The following ANK2 variants were observed in gnomAD, a reference collection of about 807,000 sequenced individuals.
The protein encoded by ANK2 is ankyrin-2.
A neutral mutation model predicts 360.5 loss-of-function variants in ANK2; 83 were observed. The ratio of observed to expected loss-of-function variants is 0.23; its 90% CI spans 0.19 to 0.28. ANK2 has a LOEUF of 0.28. Ranked by LOEUF, ANK2 falls within the 10% of genes least tolerant of loss-of-function variation. ANK2 has a pLI of 1.00. For missense variants in ANK2, 4,201 were observed against 4,795.7 expected (o/e 0.88, Z 3.66); for synonymous variants, 1,740 against 1,759.5 (o/e 0.99, Z 0.28).
Position 113,107,078 on chromosome 4 carries a change from G to C in ANK2, c.84+57266G>C, listed in dbSNP as rs568610604. ...CGTCCCTTTATTCTGATTAAGGCCT[G>C]GTGTAAATCTTTGATAATGAAGCCC... On this transcript the variant is annotated intron_variant, in intron 1 of 45. Coordinates refer to ENST00000357077, the MANE Select transcript of ANK2 (RefSeq NM_001148.6). The C allele has an allele frequency of 5.7e-5, 18 of 315,500 alleles. No homozygotes were observed. The East Asian group carries it at 1.3e-3, about 23-fold the overall frequency. 19.5% of individuals were successfully genotyped at this position (315,500 alleles called of 1,614,324 possible).
At chr4:113,146,658 TACAA>T (rs534928672) in intron 1 of ANK2, among the ~76,000 whole-genome samples, 7 of 149,330 alleles carry the variant, frequency 4.7e-5, no homozygotes, top group Non-Finnish European at 1.0e-4. Context: ...TTAAAATGGG[TACAA>T]AGGCTTATTG....
the ANK2 span, among the ~76,000 whole-genome samples, chr4:112,728,231 T>G: frequency 7.8e-6 from 1 of 128,112 alleles, no homozygotes; most frequent in Non-Finnish European, 1.5e-5. Flanking sequence ...AGGCAGAGAT[T>G]GCAGTGAGCC....
At chr4:113,257,209 A>T (rs1021851146) in intron 11 of ANK2, among the ~76,000 whole-genome samples, 1 of 152,182 alleles carries the variant, frequency 6.6e-6, no homozygotes. Flanking sequence ...TAACAAAGGA[A>T]CATTGTTGAA....
the ANK2 span, among the ~76,000 whole-genome samples, chr4:112,771,208 GT>G: frequency 1.6e-4 from 24 of 152,344 alleles, no homozygotes; most frequent in African/African-American, 5.3e-4. Flanking sequence ...CGCCTCCCGG[GT>G]TCAAGCGAAT....
chr4:112,769,495 T>C, the ANK2 span, among the ~76,000 whole-genome samples: 1 of 152,234 alleles, frequency 6.6e-6, no homozygotes, highest in African/African-American at 2.4e-5. Flanking sequence ...TCTCTGTTTT[T>C]CTTACTTTTT....
At chr4:112,960,612 A>G (rs943952092) in intron 2 of ANK2, among the ~76,000 whole-genome samples, 1 of 152,194 alleles carries the variant, frequency 6.6e-6, no homozygotes, top group African/African-American at 2.4e-5. Flanking sequence ...ATTGTATTTA[A>G]TTCAAGACGA....
chr4:113,185,327 C>T (rs544739985), intron 2 of ANK2, among the ~76,000 whole-genome samples: 43 of 152,330 alleles, frequency 2.8e-4, no homozygotes, highest in Middle Eastern at 6.8e-3. Context: ...TACACTCCCA[C>T]CAATACTGTA....
At position 113,026,053 on chromosome 4, in the gene ANK2, A is replaced by C. The variant is rs2059226878; in HGVS notation, c.21+121539A>C. 1.3e-5 allele frequency among the ~76,000 whole-genome samples: 2 copies of C among 152,222 alleles called. 1 individual carries two copies. Among genetic ancestry groups the C allele is most frequent in the Non-Finnish European group, 2.9e-5 (2 of 68,034 alleles). On this transcript the variant is annotated intron_variant, in intron 2 of 30. Transcript: ENST00000503271. ...TTGGTCATTTTGCACTTTGGCATTCAATAGACAAAGCGTATATGGTACATT... is the reference window on the plus strand; with the variant it reads ...TTGGTCATTTTGCACTTTGGCATTCCATAGACAAAGCGTATATGGTACATT...
intron 1 of ANK2, among the ~76,000 whole-genome samples, chr4:112,834,537 G>T (rs1268227021): frequency 1.3e-5 from 2 of 151,326 alleles, no homozygotes; most frequent in Non-Finnish European, 2.9e-5. Context: ...CCCTTTTTTG[G>T]AAGTATTTAA....
rs1430027172 is a variant in ANK2, at chr4:112,904,325, G to T, written c.-39-130G>T. ...TTGCTCTTTTGCATTTATAATAGTG[G>T]CTTTTTAAAATGAAGAACTCCATCA... On this transcript the variant is annotated intron_variant, in intron 1 of 30. Transcript: ENST00000503271. 1.0e-5 allele frequency: 5 copies of T among 486,802 alleles called. No homozygotes were observed. The East Asian group carries it at 1.1e-4, about 11-fold the overall frequency. The allele number at this position is 486,802 out of a possible 1,614,324, so 30.2% of individuals were successfully genotyped here.
chr4:112,804,014 GTT>G, the ANK2 span, among the ~76,000 whole-genome samples: 58 of 142,758 alleles, frequency 4.1e-4, no homozygotes, highest in South Asian at 7.8e-3. Flanking sequence ...CAATCTCACG[GTT>G]TTTTTTTTTT....
At chr4:113,351,159 G>A (rs1329522971) in intron 37 of ANK2, among the ~76,000 whole-genome samples, 2 of 152,014 alleles carry the variant, frequency 1.3e-5, no homozygotes, top group African/African-American at 4.8e-5. Flanking sequence ...TTAAAAATCT[G>A]ATTTTTAAAG....
chr4:112,890,086 G>A (rs372758169), intron 1 of ANK2, among the ~76,000 whole-genome samples: 1 of 152,224 alleles, frequency 6.6e-6, no homozygotes, highest in South Asian at 2.1e-4. Context: ...CTTAGGGAAT[G>A]TGAAACTAAT....
intron 1 of ANK2, among the ~76,000 whole-genome samples, chr4:112,834,529 C>T (rs1340762877): frequency 8.6e-5 from 13 of 151,980 alleles, no homozygotes; most frequent in Non-Finnish European, 2.9e-5. Flanking sequence ...AGCTCTCCCC[C>T]TTTTTTGGAA....
At chr4:113,049,487 G>T (rs376656150), upstream of ANK2, 325 of 387,382 alleles carry the variant, frequency 8.4e-4, 2 homozygotes, top group African/African-American at 6.7e-3. Context: ...TTTTTTCAAG[G>T]CTTTCTTCAT....
intron 2 of ANK2, among the ~76,000 whole-genome samples, chr4:113,016,400 A>C (rs137995032): frequency 1.3e-4 from 20 of 152,272 alleles, no homozygotes; most frequent in African/African-American, 4.3e-4. Context: ...CTATGTGCCA[A>C]ATACTGATGC....
At chr4:112,747,506 G>A in the ANK2 span, among the ~76,000 whole-genome samples, 8 of 152,160 alleles carry the variant, frequency 5.3e-5, no homozygotes, top group East Asian at 1.9e-4. Flanking sequence ...GGGAGTAGGG[G>A]GTGGAGTTCT....
upstream of ANK2, among the ~76,000 whole-genome samples, chr4:113,045,609 G>A (rs1405085363): frequency 6.6e-6 from 1 of 152,130 alleles, no homozygotes; most frequent in Non-Finnish European, 1.5e-5. Context: ...TCATATGCTG[G>A]CACTCTTATA....
rs1012036010 is a variant in ANK2, at chr4:113,336,032, C to T, written c.3566C>T (p.Thr1189Ile). 1 of 1,614,044 alleles carries T rather than the reference C, an allele frequency of 6.2e-7. No individual in the cohort carries two copies. Among genetic ancestry groups the T allele is most frequent in the Non-Finnish European group, 8.5e-7 (1 of 1,179,998 alleles). The change falls in exon 30 of 46, where the codon ACC becomes ATC. Residue 1189 changes from threonine to isoleucine, a missense_variant. Thr to Ile is a moderately conservative substitution (Grantham distance 89, BLOSUM62 -1). Coordinates refer to ENST00000357077, the MANE Select transcript of ANK2 (RefSeq NM_001148.6). ...VQAVFPEGAL[T>I]KRIRVGLQAQ... ...GCCGTCTTCCCAGAGGGGGCACTCA[C>T]CAAGCGGATCCGCGTAGGCCTGCAG...
Sources: allele counts gnomAD v4.1 joint callset (sites outside exome capture counted in the v4.1 genomes callset), GRCh38; gene constraint gnomAD v4.1.1; transcripts MANE v1.5; gene names NCBI Gene and HGNC (gene_info 2026-07-23, HGNC 2026-07-21).